The following MAP2 variants were observed in gnomAD, a reference collection of about 807,000 sequenced individuals.
The protein encoded by MAP2 is microtubule-associated protein 2.
A neutral mutation model predicts 137.6 loss-of-function variants in MAP2; 14 were observed. The observed-to-expected ratio is 0.10, with a 90% CI of 0.07 to 0.16. MAP2 has a LOEUF of 0.16. MAP2 is among the 10% of genes least tolerant of loss of function. MAP2 has a pLI of 1.00. For synonymous variants in MAP2, 786 were observed against 782.3 expected (o/e 1.00, Z -0.08); for missense variants, 2,088 against 2,191.5 (o/e 0.95, Z 0.94).
intron 4 of MAP2, among the ~76,000 whole-genome samples, chr2:209,641,890 G>A (rs1018729410): frequency 6.6e-6 from 1 of 152,024 alleles, no homozygotes; most frequent in East Asian, 1.9e-4. Flanking sequence ...AGTTTCATAT[G>A]GTAGGTTGTT....
intron 1 of MAP2, among the ~76,000 whole-genome samples, chr2:209,501,499 T>C (rs916393010): frequency 2.6e-5 from 4 of 152,106 alleles, no homozygotes; most frequent in Non-Finnish European, 5.9e-5. Flanking sequence ...AACTCAAGAT[T>C]ATTTGGTGAC....
intron 2 of MAP2, among the ~76,000 whole-genome samples, chr2:209,552,185 T>C (rs2069324819): frequency 6.6e-6 from 1 of 152,204 alleles, no homozygotes; most frequent in Non-Finnish European, 1.5e-5. Context: ...AAAATGTCTA[T>C]AATAAAATAA....
chr2:209,464,605 G>T (rs1703675705), intron 1 of MAP2, among the ~76,000 whole-genome samples: 1 of 151,960 alleles, frequency 6.6e-6, no homozygotes, highest in Non-Finnish European at 1.5e-5. Flanking sequence ...ATACATGATT[G>T]ATTGATTCCA....
intron 7 of MAP2, among the ~76,000 whole-genome samples, chr2:209,681,847 T>A (rs1250522204): frequency 1.3e-5 from 2 of 152,186 alleles, no homozygotes; most frequent in Non-Finnish European, 2.9e-5. Flanking sequence ...TTTGAATTAG[T>A]GAACCATATA....
At chr2:209,451,953 T>C (rs1700420586) in intron 1 of MAP2, among the ~76,000 whole-genome samples, 1 of 152,176 alleles carries the variant, frequency 6.6e-6, no homozygotes, top group South Asian at 2.1e-4. Context: ...TCGATGAATT[T>C]TAGAGAGGCA....
At chr2:209,447,838 A>T (rs35664672) in intron 1 of MAP2, among the ~76,000 whole-genome samples, 20,475 of 152,056 alleles carry the variant, frequency 0.13, 3,377 homozygotes, top group African/African-American at 0.39. Flanking sequence ...AAGAGACACA[A>T]CAAGGACTGC....
rs150282979 is a variant in MAP2, at chr2:209,697,455, G to A, written c.4522+404G>A. Among the ~76,000 whole-genome samples the A allele has an allele frequency of 2.2e-4, 34 of 151,932 alleles. No individual in the cohort carries two copies. The East Asian group carries it at 2.7e-3, about 12-fold the overall frequency. Reference sequence around the variant, plus strand: ...TTGTCCTATTTTCTACATTGTTACTGCCAAATCTGTTACTGATGTTGATGA... The same window carrying A: ...TTGTCCTATTTTCTACATTGTTACTACCAAATCTGTTACTGATGTTGATGA... On this transcript the variant is annotated intron_variant, in intron 10 of 15. Coordinates refer to ENST00000682079, the MANE Select transcript of MAP2 (RefSeq NM_001375505.1).
chr2:209,688,911 A>G (rs2058003622), intron 7 of MAP2, among the ~76,000 whole-genome samples: 1 of 152,218 alleles, frequency 6.6e-6, no homozygotes, highest in South Asian at 2.1e-4. Context: ...CAGAACACCA[A>G]TAGCTCAGGT....
At chr2:209,582,700 T>TATAC in intron 3 of MAP2, among the ~76,000 whole-genome samples, 1 of 151,440 alleles carries the variant, frequency 6.6e-6, no homozygotes, top group South Asian at 2.1e-4. Flanking sequence ...GATAGATAGA[T>TATAC]AGAATATTTT....
At chr2:209,461,164 A>C (rs947666379) in intron 1 of MAP2, among the ~76,000 whole-genome samples, 1 of 152,244 alleles carries the variant, frequency 6.6e-6, no homozygotes, top group Non-Finnish European at 1.5e-5. Flanking sequence ...TATTACTACC[A>C]GAAAACTATT....
chr2:209,604,181 T>G (rs1283748128), intron 3 of MAP2, among the ~76,000 whole-genome samples: 4 of 152,104 alleles, frequency 2.6e-5, no homozygotes, highest in Admixed American at 2.0e-4. Flanking sequence ...GATGAACAGA[T>G]TTTTAGAATG....
In MAP2 at chr2:209,488,308, G is replaced by A. The variant is rs545067700; in HGVS notation, c.-221-19284G>A. Among the ~76,000 whole-genome samples, 12 of 152,268 alleles carry A rather than the reference G, an allele frequency of 7.9e-5. No homozygotes were observed. In the South Asian group the frequency reaches 1.2e-3, roughly 16 times the overall value. On this transcript the variant is annotated intron_variant, in intron 1 of 15. Transcript: ENST00000682079. ...AACCTGTAGACCAGGAGGTTGCCTC[G>A]GGTGCCTATACCACAAAGGCCCTGG... is the stretch of plus-strand genomic sequence containing the variant.
At chr2:209,514,876 A>T (rs1394689507) in intron 2 of MAP2, among the ~76,000 whole-genome samples, 1 of 152,148 alleles carries the variant, frequency 6.6e-6, no homozygotes, top group Non-Finnish European at 1.5e-5. Context: ...AGATAGATAA[A>T]TGGATAGTCA....
At chr2:209,722,988 C>T (rs1172712904) in intron 13 of MAP2, among the ~76,000 whole-genome samples, 2 of 152,166 alleles carry the variant, frequency 1.3e-5, no homozygotes, top group Non-Finnish European at 2.9e-5. Context: ...TGTCGCTGAA[C>T]CACCTGCAAG....
intron 12 of MAP2, among the ~76,000 whole-genome samples, chr2:209,708,204 A>T (rs1329703168): frequency 6.6e-6 from 1 of 152,208 alleles, no homozygotes; most frequent in Non-Finnish European, 1.5e-5. Flanking sequence ...GTCCATAACA[A>T]ACCAGGACAT....
At chr2:209,664,154 G>A (rs2045095637) in intron 5 of MAP2, among the ~76,000 whole-genome samples, 1 of 152,196 alleles carries the variant, frequency 6.6e-6, no homozygotes, top group Admixed American at 6.5e-5. Context: ...ATGCTTTGGG[G>A]TAGAACCTGT....
At chr2:209,460,588 T>TTTCC (rs374659903) in intron 1 of MAP2, among the ~76,000 whole-genome samples, 1,941 of 151,502 alleles carry the variant, frequency 0.013, 54 homozygotes, top group African/African-American at 0.044. Flanking sequence ...CTTCTCTCCT[T>TTTCC]TTCCTTCCTT....
At chr2:209,483,416 TA>T (rs1386919267) in intron 1 of MAP2, among the ~76,000 whole-genome samples, 1 of 152,046 alleles carries the variant, frequency 6.6e-6, no homozygotes, top group Non-Finnish European at 1.5e-5. Context: ...TCTAGAAAAA[TA>T]AAACAAATTA....
chr2:209,503,118 G>A (rs1351671270), intron 1 of MAP2, among the ~76,000 whole-genome samples: 3 of 150,632 alleles, frequency 2.0e-5, no homozygotes. Context: ...TGCCACCTCA[G>A]CCTCCTGGGT....
Sources: gnomAD v4.1 joint callset for allele counts (sites outside exome capture counted in the v4.1 genomes callset) on GRCh38, gnomAD v4.1.1 for gene constraint, MANE v1.5 for transcripts, NCBI Gene and HGNC (gene_info 2026-07-23, HGNC 2026-07-21) for gene names.